Variants in CLVS1 observed in about 807,000 individuals in gnomAD.
CLVS1 encodes the protein clavesin 1, also known as clavesin-1.
Under a neutral mutation model 33.1 loss-of-function variants are expected in CLVS1, and 10 were observed. The ratio of observed to expected loss-of-function variants is 0.30; its 90% CI spans 0.19 to 0.51. The LOEUF (loss-of-function observed/expected upper bound fraction) is 0.51. Among genes scored for constraint, CLVS1 ranks in the 20% least tolerant of loss-of-function variants. CLVS1 has a pLI of 0.97. For missense variants in CLVS1, 343 were observed against 433.4 expected (o/e 0.79, Z 1.85); for synonymous variants, 163 against 166.1 (o/e 0.98, Z 0.14).
the CLVS1 span, among the ~76,000 whole-genome samples, chr8:61,008,407 G>C: frequency 7.0e-6 from 1 of 142,336 alleles, no homozygotes; most frequent in East Asian, 1.9e-4. Flanking sequence ...AATTAGAGAA[G>C]AGAGGAGTAC....
At chr8:61,369,562 A>G (rs763937087) in intron 2 of CLVS1, among the ~76,000 whole-genome samples, 1 of 152,224 alleles carries the variant, frequency 6.6e-6, no homozygotes, top group African/African-American at 2.4e-5. Context: ...TGCTACTATC[A>G]TCTTCATGAA....
intron 3 of CLVS1, among the ~76,000 whole-genome samples, chr8:61,450,533 A>G (rs1335538113): frequency 1.3e-5 from 2 of 152,322 alleles, no homozygotes; most frequent in East Asian, 3.9e-4. Flanking sequence ...GAATATGCCA[A>G]CTGTTCGTCA....
the CLVS1 span, among the ~76,000 whole-genome samples, chr8:61,025,704 A>C: frequency 6.6e-6 from 1 of 152,120 alleles, no homozygotes; most frequent in African/African-American, 2.4e-5. Context: ...CATAGTGTGG[A>C]TCAACCTGCA....
chr8:61,397,388 A>AT (rs1427126593), intron 3 of CLVS1, among the ~76,000 whole-genome samples: 1 of 152,042 alleles, frequency 6.6e-6, no homozygotes, highest in Non-Finnish European at 1.5e-5. Context: ...CCAACTTTTA[A>AT]TTTTTTTAAT....
At chr8:61,278,236 GC>G in intron 2 of CLVS1, among the ~76,000 whole-genome samples, 1 of 152,156 alleles carries the variant, frequency 6.6e-6, no homozygotes, top group East Asian at 1.9e-4. Context: ...ATAGTGGTGA[GC>G]AAAAACAGAA....
At chr8:60,966,569 G>A in the CLVS1 span, 2 of 278,238 alleles carry the variant, frequency 7.2e-6, no homozygotes, top group East Asian at 1.9e-4. Context: ...AATAAACATA[G>A]TAAAGATGTC....
At chr8:61,357,458 G>GTTT (rs368964889) in intron 2 of CLVS1, among the ~76,000 whole-genome samples, 7 of 84,466 alleles carry the variant, frequency 8.3e-5, no homozygotes, top group African/African-American at 2.7e-4. Flanking sequence ...TTGCCAGGAC[G>GTTT]TTTTTTTTTC....
intron 2 of CLVS1, among the ~76,000 whole-genome samples, chr8:61,257,192 T>G (rs1483497200): frequency 1.3e-5 from 2 of 152,206 alleles, no homozygotes; most frequent in Admixed American, 1.3e-4. Context: ...AGCATCACTT[T>G]CATTTTCTGT....
At chr8:61,153,969 G>A (rs930642490) in intron 2 of CLVS1, among the ~76,000 whole-genome samples, 2 of 152,158 alleles carry the variant, frequency 1.3e-5, no homozygotes, top group Non-Finnish European at 2.9e-5. Context: ...TCCATTTTTA[G>A]CTACATCCCT....
At chr8:61,266,745 T>C (rs1364556112) in intron 2 of CLVS1, among the ~76,000 whole-genome samples, 1 of 152,244 alleles carries the variant, frequency 6.6e-6, no homozygotes, top group Non-Finnish European at 1.5e-5. Flanking sequence ...AATAATCTTT[T>C]CAAATAAAGT....
At chr8:61,422,501 A>T (rs1815718822) in intron 3 of CLVS1, among the ~76,000 whole-genome samples, 1 of 152,214 alleles carries the variant, frequency 6.6e-6, no homozygotes. Flanking sequence ...TTGATAAAAA[A>T]TTATCCTTAA....
At chr8:61,331,692 TC>T (rs1164822217) in intron 2 of CLVS1, among the ~76,000 whole-genome samples, 5 of 152,198 alleles carry the variant, frequency 3.3e-5, no homozygotes, top group Non-Finnish European at 5.9e-5. Flanking sequence ...GTCAATAACA[TC>T]CTATCCTGCT....
At chr8:61,441,482 G>A (rs939376035) in intron 3 of CLVS1, among the ~76,000 whole-genome samples, 1 of 152,166 alleles carries the variant, frequency 6.6e-6, no homozygotes, top group Non-Finnish European at 1.5e-5. Context: ...AATAAGAAGA[G>A]ATAAGGAGAG....
intron 1 of CLVS1, among the ~76,000 whole-genome samples, chr8:61,091,722 C>T (rs1805253439): frequency 6.6e-6 from 1 of 152,140 alleles, no homozygotes; most frequent in Non-Finnish European, 1.5e-5. Flanking sequence ...TAAACTAACC[C>T]TACTAAATAA....
intron 1 of CLVS1, among the ~76,000 whole-genome samples, chr8:61,064,231 G>A (rs568269032): frequency 6.6e-6 from 1 of 152,152 alleles, no homozygotes; most frequent in South Asian, 2.1e-4. Context: ...AATTTCTTTG[G>A]GTATATACCT....
At chr8:61,026,197 T>G in the CLVS1 span, among the ~76,000 whole-genome samples, 1 of 152,052 alleles carries the variant, frequency 6.6e-6, no homozygotes, top group Non-Finnish European at 1.5e-5. Context: ...GAGGAGGAAA[T>G]TTAGATACAG....
intron 2 of CLVS1, among the ~76,000 whole-genome samples, chr8:61,372,993 G>A (rs1813499606): frequency 6.6e-6 from 1 of 152,124 alleles, no homozygotes; most frequent in African/African-American, 2.4e-5. Context: ...TTTCTATACT[G>A]TACTCTTTGA....
intron 3 of CLVS1, among the ~76,000 whole-genome samples, chr8:61,442,546 A>G (rs1816593844): frequency 6.6e-6 from 1 of 152,144 alleles, no homozygotes; most frequent in East Asian, 1.9e-4. Flanking sequence ...ATACCATATT[A>G]CACTTCTATC....
the CLVS1 span, among the ~76,000 whole-genome samples, chr8:61,016,983 G>A: frequency 6.6e-6 from 1 of 152,208 alleles, no homozygotes; most frequent in Non-Finnish European, 1.5e-5. Context: ...GCAATGTGGT[G>A]GGAGCGGCTG....
Sources: allele counts gnomAD v4.1 joint callset (sites outside exome capture counted in the v4.1 genomes callset), GRCh38; gene constraint gnomAD v4.1.1; transcripts MANE v1.5; gene names NCBI Gene and HGNC (gene_info 2026-07-23, HGNC 2026-07-21).